The following EPB41L2 variants were observed in gnomAD, a reference collection of about 807,000 sequenced individuals.
EPB41L2 encodes the protein erythrocyte membrane protein band 4.1 like 2.
Under a neutral mutation model 113.0 loss-of-function variants are expected in EPB41L2, and 43 were observed. The observed-to-expected ratio is 0.38, with a 90% confidence interval of 0.30 to 0.49. EPB41L2 has a LOEUF of 0.49. Among genes scored for constraint, EPB41L2 ranks in the 20% least tolerant of loss-of-function variants. EPB41L2 has a pLI of 0.95. For missense variants in EPB41L2, 1,147 were observed against 1,223.4 expected (o/e 0.94, Z 0.93); for synonymous variants, 442 against 436.7 (o/e 1.01, Z -0.15).
rs549142910 is a variant in EPB41L2, at chr6:131,040,143, T to C, written c.-15+23012A>G. 2.0e-5 allele frequency among the ~76,000 whole-genome samples: 3 copies of C among 152,286 alleles called. No homozygotes were observed. The East Asian group carries it at 5.8e-4, about 29-fold the overall frequency. On this transcript the variant is annotated intron_variant, in intron 1 of 19. Transcript: ENST00000337057. The stretch of plus-strand genomic sequence containing the variant: ...CCCTACTAAACTATATACTTAAAAA[T>C]GGCCAAGATGGTGGCCGGGTGCAGT...
chr6:130,958,553 G>A (rs1818302832), intron 1 of EPB41L2, among the ~76,000 whole-genome samples: 1 of 151,454 alleles, frequency 6.6e-6, no homozygotes, highest in Non-Finnish European at 1.5e-5. Flanking sequence ...TGCAGAAGTT[G>A]ACATTTGAGT....
chr6:131,040,256 G>A (rs1295299273), intron 1 of EPB41L2, among the ~76,000 whole-genome samples: 4 of 152,130 alleles, frequency 2.6e-5, no homozygotes, highest in African/African-American at 9.7e-5. Flanking sequence ...TGGCCAACAT[G>A]GCGAAACCCC....
At chr6:130,939,982 T>C (rs1293143805) in intron 3 of EPB41L2, among the ~76,000 whole-genome samples, 1 of 151,526 alleles carries the variant, frequency 6.6e-6, no homozygotes, top group Non-Finnish European at 1.5e-5. Context: ...GTGTACATGT[T>C]ACTGTGTACA....
At chr6:131,037,936 T>A (rs1793694126) in intron 1 of EPB41L2, among the ~76,000 whole-genome samples, 1 of 152,112 alleles carries the variant, frequency 6.6e-6, no homozygotes, top group Admixed American at 6.5e-5. Flanking sequence ...GGAAAAAATC[T>A]GCAAAAATTT....
At chr6:130,962,481 C>A (rs938856066) in intron 1 of EPB41L2, among the ~76,000 whole-genome samples, 1 of 152,126 alleles carries the variant, frequency 6.6e-6, no homozygotes, top group Non-Finnish European at 1.5e-5. Flanking sequence ...TCCAAAGGGA[C>A]TATTTGTTAG....
chr6:130,993,208 T>C (rs1782288882), intron 1 of EPB41L2, among the ~76,000 whole-genome samples: 1 of 152,140 alleles, frequency 6.6e-6, no homozygotes, highest in South Asian at 2.1e-4. Flanking sequence ...CAAAAAGGTA[T>C]ATATACCACC....
chr6:130,916,336 T>G (rs937030415), intron 4 of EPB41L2, among the ~76,000 whole-genome samples: 1 of 152,230 alleles, frequency 6.6e-6, no homozygotes, highest in African/African-American at 2.4e-5. Context: ...TCTTGTCTTA[T>G]GACATTTCCC....
At chr6:130,860,609 T>C (rs892996668) in intron 18 of EPB41L2, among the ~76,000 whole-genome samples, 15 of 152,208 alleles carry the variant, frequency 9.9e-5, no homozygotes, top group African/African-American at 3.6e-4. Context: ...CTCGGCTCAC[T>C]GCAAGCTCCG....
At chr6:130,950,624 C>G (rs1035675872) in intron 3 of EPB41L2, among the ~76,000 whole-genome samples, 1 of 151,914 alleles carries the variant, frequency 6.6e-6, no homozygotes, top group Admixed American at 6.6e-5. Flanking sequence ...AAAAATAGAC[C>G]AACAGTAATT....
At chr6:130,964,093 C>T (rs1191789724) in intron 1 of EPB41L2, among the ~76,000 whole-genome samples, 2 of 151,886 alleles carry the variant, frequency 1.3e-5, no homozygotes, top group Non-Finnish European at 2.9e-5. Flanking sequence ...ATGATATCAG[C>T]TCACTGCAAT....
chr6:131,007,119 C>T (rs978081055), intron 1 of EPB41L2, among the ~76,000 whole-genome samples: 14 of 152,188 alleles, frequency 9.2e-5, no homozygotes, highest in Admixed American at 2.0e-4. Context: ...TTTAAGCAGA[C>T]GGATATGGTT....
At chr6:130,918,447 T>G (rs1333333199) in intron 4 of EPB41L2, among the ~76,000 whole-genome samples, 3 of 152,178 alleles carry the variant, frequency 2.0e-5, no homozygotes, top group Non-Finnish European at 4.4e-5. Context: ...GATGGTTTCA[T>G]TTAGACATGA....
At chr6:131,014,595 C>T (rs879291539) in intron 1 of EPB41L2, among the ~76,000 whole-genome samples, 59 of 152,152 alleles carry the variant, frequency 3.9e-4, no homozygotes, top group Non-Finnish European at 1.2e-4. Context: ...TTCCAAGGGA[C>T]GTTTTCTGTC....
rs544999063 is a variant in EPB41L2 at position 130,900,988 on chromosome 6, C to A, written c.1122G>T (p.Lys374Asn). 2 of 1,614,154 alleles carry A rather than the reference C, an allele frequency of 1.2e-6. No individual in the cohort carries two copies. The highest frequency in any genetic ancestry group is 1.7e-5 in the Admixed American group (1 of 60,022). The change falls in exon 7 of 20, where the codon AAG becomes AAT. Residue 374 changes from lysine (K) to asparagine (N), a missense_variant. Coordinates refer to ENST00000337057, the MANE Select transcript of EPB41L2 (RefSeq NM_001431.4). ...APTQTKELEE[K>N]VAELHKTHRG... ...TGTGGGTTTTGTGCAGCTCTGCCAC[C>A]TTCTCTTCCAGCTCCTTAGTCTGAG...
intron 19 of EPB41L2, among the ~76,000 whole-genome samples, chr6:130,842,254 T>A (rs1259900215): frequency 6.6e-6 from 1 of 152,064 alleles, no homozygotes; most frequent in African/African-American, 2.4e-5. Context: ...CCTTAGGTTA[T>A]TTCATTACTC....
At chr6:130,877,718 C>T (rs1482511184) in intron 14 of EPB41L2, among the ~76,000 whole-genome samples, 1 of 151,982 alleles carries the variant, frequency 6.6e-6, no homozygotes, top group East Asian at 1.9e-4. Context: ...CTAAAGATAG[C>T]CTATATTTCT....
intron 1 of EPB41L2, among the ~76,000 whole-genome samples, chr6:130,972,044 C>A (rs1776922162): frequency 1.3e-5 from 2 of 152,070 alleles, no homozygotes; most frequent in South Asian, 4.1e-4. Flanking sequence ...CTAAAAATGG[C>A]CAGGTCCAGT....
intron 4 of EPB41L2, among the ~76,000 whole-genome samples, chr6:130,910,235 A>G (rs1798949566): frequency 6.6e-6 from 1 of 152,180 alleles, no homozygotes; most frequent in Admixed American, 6.5e-5. Flanking sequence ...CACATCTACA[A>G]CCATCTGATT....
At chr6:131,041,857 AGCAT>A (rs1464148137) in intron 1 of EPB41L2, among the ~76,000 whole-genome samples, 2 of 152,244 alleles carry the variant, frequency 1.3e-5, no homozygotes, top group African/African-American at 4.8e-5. Flanking sequence ...TAACTATAGA[AGCAT>A]TTATGAAACA....
Sources: allele counts gnomAD v4.1 joint callset (sites outside exome capture counted in the v4.1 genomes callset), GRCh38; gene constraint gnomAD v4.1.1; transcripts MANE v1.5; gene names NCBI Gene and HGNC (gene_info 2026-07-23, HGNC 2026-07-21).